Variants in MEP1B observed in about 807,000 individuals in gnomAD.
MEP1B encodes the protein N-benzoyl-L-tyrosyl-P-amino-benzoic acid hydrolase subunit beta.
MEP1B carries 80 observed loss-of-function variants against 84.6 expected under a neutral mutation model. That is an observed-to-expected ratio of 0.95 (90% confidence interval 0.79 to 1.14). The LOEUF (loss-of-function observed/expected upper bound fraction) is 1.14. MEP1B is among the 50% of genes most tolerant of loss of function. The probability of loss-of-function intolerance (pLI) is 0.00; values close to 1 mark genes in which losing one functional copy is unlikely to be tolerated. For synonymous variants in MEP1B, 273 were observed against 288.1 expected (o/e 0.95, Z 0.53); for missense variants, 766 against 855.1 (o/e 0.90, Z 1.30).
At chr18:32,202,193 C>T (rs749781470) in intron 5 of MEP1B, among the ~76,000 whole-genome samples, 7 of 152,224 alleles carry the variant, frequency 4.6e-5, no homozygotes, top group Non-Finnish European at 7.3e-5. Flanking sequence ...CCATCTTTCA[C>T]GTCACTAGGA....
intron 4 of MEP1B, among the ~76,000 whole-genome samples, chr18:32,193,333 A>C (rs1057203908): frequency 2.0e-5 from 3 of 152,196 alleles, no homozygotes; most frequent in Non-Finnish European, 4.4e-5. Flanking sequence ...GATAAACACA[A>C]GAACCTTGCA....
Position 32,196,413 on chromosome 18 carries a change from G to C in MEP1B, c.250+928G>C, listed in dbSNP as rs1363402732. ...TCTCCTTGGTCTTCTCCTGGTCCTC[G>C]CCCAGCTGGGTCTTACAGAGGGTGT... On this transcript the variant is annotated intron_variant, in intron 5 of 14. Coordinates refer to ENST00000269202, the MANE Select transcript of MEP1B (RefSeq NM_005925.3). The surrounding 1 kb of genome is among the most constrained non-coding windows in gnomAD (Gnocchi z 4.4). 1 of 695,598 alleles carries C rather than the reference G, an allele frequency of 1.4e-6. No homozygotes were observed. The highest frequency in any genetic ancestry group is 1.8e-5 in the African/African-American group (1 of 57,076). 43.1% of individuals were successfully genotyped at this position (695,598 alleles called of 1,614,324 possible).
chr18:32,200,169 G>A (rs2040898153), intron 5 of MEP1B, among the ~76,000 whole-genome samples: 1 of 151,940 alleles, frequency 6.6e-6, no homozygotes, highest in Non-Finnish European at 1.5e-5. Flanking sequence ...CGTATTATAT[G>A]TAATAACATT....
intron 5 of MEP1B, 139 bp downstream of exon 5, chr18:32,195,624 T>TA: frequency 1.9e-6 from 1 of 536,900 alleles, no homozygotes; most frequent in Non-Finnish European, 3.2e-6. Context: ...ACATTTACTT[T>TA]GAAAAAAAAA....
At chr18:32,209,479 G>A (rs1445161064) in intron 9 of MEP1B, among the ~76,000 whole-genome samples, 3 of 136,628 alleles carry the variant, frequency 2.2e-5, no homozygotes, top group Admixed American at 7.3e-5. Flanking sequence ...AGAGTAAGAC[G>A]TTGTCTCAAA....
intron 7 of MEP1B, 102 bp downstream of exon 7, chr18:32,204,462 T>G (rs866360554): frequency 1.0e-6 from 1 of 957,934 alleles, no homozygotes; most frequent in African/African-American, 1.7e-5. Flanking sequence ...TTTAAAACTT[T>G]GATGTTTTGA....
chr18:32,211,055 CG>C (rs2041021961), intron 10 of MEP1B, among the ~76,000 whole-genome samples: 1 of 152,020 alleles, frequency 6.6e-6, no homozygotes, highest in Non-Finnish European at 1.5e-5. Context: ...CCTGAGGTCA[CG>C]AGTTTGAGAC....
At chr18:32,206,044 C>T (rs530418316) in intron 7 of MEP1B, among the ~76,000 whole-genome samples, 10 of 150,792 alleles carry the variant, frequency 6.6e-5, no homozygotes, top group South Asian at 6.3e-4. Context: ...TGCAGTGGTG[C>T]GATCTTGGCT....
In MEP1B at chr18:32,196,578, T is replaced by C. The variant is rs12969067; in HGVS notation, c.250+1093T>C. The C allele has an allele frequency of 0.19, 138,878 of 714,448 alleles. 16,083 individuals carry two copies. Among genetic ancestry groups the C allele is most frequent in the Non-Finnish European group, 0.24 (92,427 of 388,666 alleles). The allele number at this position is 714,448 out of a possible 1,614,324, so 44.3% of individuals were successfully genotyped here. On this transcript the variant is annotated intron_variant, in intron 5 of 14. Coordinates refer to ENST00000269202, the MANE Select transcript of MEP1B (RefSeq NM_005925.3). The surrounding 1 kb of genome is among the most constrained non-coding windows in gnomAD (Gnocchi z 4.4). The stretch of plus-strand genomic sequence containing the variant: ...GTACTTGGTGCTGACGGCCAGCGCG[T>C]TGTCCAGGAAGCACAGCGACAGGTC...
chr18:32,201,652 C>T (rs2040913903), intron 5 of MEP1B, among the ~76,000 whole-genome samples: 1 of 152,070 alleles, frequency 6.6e-6, no homozygotes, highest in African/African-American at 2.4e-5. Context: ...TATTCAAAGG[C>T]AAAATGTATG....
chr18:32,210,577 G>C lies in MEP1B; in HGVS notation c.996G>C (p.Leu332=). 6.2e-7 allele frequency: 1 copy of C among 1,613,984 alleles called. No homozygotes were observed. Among genetic ancestry groups the C allele is most frequent in the Non-Finnish European group, 8.5e-7 (1 of 1,179,882 alleles). The change falls in exon 10 of 15, where the codon CTG becomes CTC. Residue 332 remains leucine (L), a synonymous_variant. Transcript: ENST00000269202. ...GATAVLESRT[L]YPKRGFQCLQ... is the part of the protein sequence containing the mutation. ...CAGCAGTGCTGGAAAGTAGAACGCT[G>C]TACCCTAAAAGAGGATTTCAGTGCC...
chr18:32,213,065 G>A, intron 10 of MEP1B, 51 bp from the exon 11 acceptor site: 2 of 1,517,136 alleles, frequency 1.3e-6, no homozygotes, highest in East Asian at 2.3e-5. Context: ...ATGTTGACAT[G>A]TACATGATTT....
intron 7 of MEP1B, among the ~76,000 whole-genome samples, chr18:32,204,785 G>C (rs1236219406): frequency 1.3e-5 from 2 of 152,168 alleles, no homozygotes; most frequent in Non-Finnish European, 2.9e-5. Flanking sequence ...CATTTGATGA[G>C]GGCCTTCTTG....
intron 12 of MEP1B, among the ~76,000 whole-genome samples, chr18:32,215,816 T>C (rs1478767248): frequency 6.6e-6 from 1 of 151,892 alleles, no homozygotes; most frequent in African/African-American, 2.4e-5. Flanking sequence ...AGAGCGAGAC[T>C]CCGTCTCAAA....
chr18:32,218,916 A>G (rs2041122513), intron 14 of MEP1B, among the ~76,000 whole-genome samples: 1 of 152,368 alleles, frequency 6.6e-6, no homozygotes, highest in Admixed American at 6.5e-5. Context: ...TACATACTCC[A>G]GCAGTAGAGT....
In MEP1B at chr18:32,217,931, T is replaced by C; in HGVS notation, c.2057T>C (p.Met686Thr). 6.2e-7 allele frequency: 1 copy of C among 1,613,968 alleles called. No individual in the cohort carries two copies. Among genetic ancestry groups the C allele is most frequent in the Non-Finnish European group, 8.5e-7 (1 of 1,179,862 alleles). Residue 686 changes from methionine to threonine, a missense_variant, in exon 14 of 15, where the codon ATG becomes ACG. Transcript: ENST00000269202. ...ACCAGGAAGAAATATCGTGAAAGGA[T>C]GAGCTCAAATCGACCAAATTTGACT... ...YCTRKKYRER[M>T]SSNRPNLTPQ...
chr18:32,196,822 C>A lies in MEP1B; in HGVS notation c.250+1337C>A. The A allele has an allele frequency of 1.6e-6, 1 of 616,354 alleles. No individual in the cohort carries two copies. The allele number at this position is 616,354 out of a possible 1,614,324, so 38.2% of individuals were successfully genotyped here. On this transcript the variant is annotated intron_variant, in intron 5 of 14. Coordinates refer to ENST00000269202, the MANE Select transcript of MEP1B (RefSeq NM_005925.3). The surrounding 1 kb of genome is among the most constrained non-coding windows in gnomAD (Gnocchi z 4.4). ...ATCACCCGCACGCTCATCAGCACTG[C>A]CTTCTGCTGGCTTCTCAGGGCCTCT...
intron 5 of MEP1B, among the ~76,000 whole-genome samples, chr18:32,202,438 GCA>G (rs895375110): frequency 4.6e-5 from 7 of 152,016 alleles, no homozygotes; most frequent in African/African-American, 1.7e-4. Context: ...TTGTAGATAT[GCA>G]CACACACACA....
intron 9 of MEP1B, among the ~76,000 whole-genome samples, chr18:32,209,715 A>G (rs1304112141): frequency 6.6e-6 from 1 of 151,692 alleles, no homozygotes; most frequent in Non-Finnish European, 1.5e-5. Flanking sequence ...GTAGTTAACA[A>G]TATCTTCTGA....
Sources: gnomAD v4.1 joint callset for allele counts (sites outside exome capture counted in the v4.1 genomes callset) on GRCh38, gnomAD v4.1.1 for gene constraint, Gnocchi (gnomAD v3.1) non-coding constraint, MANE v1.5 for transcripts, NCBI Gene and HGNC (gene_info 2026-07-23, HGNC 2026-07-21) for gene names.